OR51B5: variants seen among roughly 807,000 people sequenced by gnomAD.
OR51B5 encodes the protein olfactory receptor family 51 subfamily B member 5, also known as olfactory receptor 51B5.
For missense variants in OR51B5, 456 were observed against 374.6 expected (o/e 1.22, Z -1.79); for synonymous variants, 186 against 144.8 (o/e 1.28, Z -2.04).
At chr11:5,450,453 G>A (rs2647615) in intron 1 of OR51B5, among the ~76,000 whole-genome samples, 20,370 of 152,008 alleles carry the variant, frequency 0.13, 2,570 homozygotes, top group African/African-American at 0.34. Context: ...AAAAGAAATA[G>A]ATATTTCTAC....
intron 1 of OR51B5, among the ~76,000 whole-genome samples, chr11:5,442,581 A>G (rs1372077723): frequency 1.3e-5 from 2 of 152,134 alleles, no homozygotes; most frequent in Admixed American, 1.3e-4. Flanking sequence ...CCCTTTCCCA[A>G]TTCTTAACCA....
intron 1 of OR51B5, among the ~76,000 whole-genome samples, chr11:5,475,292 G>A (rs77358676): frequency 4.1e-4 from 62 of 152,168 alleles, no homozygotes; most frequent in Middle Eastern, 6.8e-3. Flanking sequence ...TGTGTAATAT[G>A]ATCTTCATTT....
chr11:5,429,339 C>A (rs1850497975), intron 1 of OR51B5, among the ~76,000 whole-genome samples: 1 of 152,114 alleles, frequency 6.6e-6, no homozygotes, highest in African/African-American at 2.4e-5. Flanking sequence ...CTGGAAGAAC[C>A]AATCAGTGAC....
rs540223453 is a variant in OR51B5, at chr11:5,356,007, T to C, written n.85-9097A>G. 4.4e-3 allele frequency among the ~76,000 whole-genome samples: 595 copies of C among 134,756 alleles called. 2 individuals carry two copies. Among genetic ancestry groups the C allele is most frequent in the African/African-American group, 0.011 (424 of 36,938 alleles). The allele number at this position is 134,756 out of a possible 152,430, so 88.4% of individuals were successfully genotyped here. A position where few individuals can be genotyped will look rare whatever the true frequency, so the allele number is the denominator to read the frequency against. ...ACCATCATCAAAGACCAAAGGTAGATAAAACCACAAAGATGGGGAAAAACA... is the reference window on the plus strand; with the variant it reads ...ACCATCATCAAAGACCAAAGGTAGACAAAACCACAAAGATGGGGAAAAACA... On this transcript the variant is annotated intron_variant and non_coding_transcript_variant, in intron 1 of 4. Coordinates refer to the OR51B5 transcript ENST00000415970.
chr11:5,440,882 C>T, intron 1 of OR51B5: 1 of 1,613,690 alleles, frequency 6.2e-7, no homozygotes, highest in Non-Finnish European at 8.5e-7. Flanking sequence ...AAGTTGAGTC[C>T]ATACCATAGG....
chr11:5,350,186 TGAG>T (rs996361983), intron 1 of OR51B5, among the ~76,000 whole-genome samples: 1 of 152,096 alleles, frequency 6.6e-6, no homozygotes, highest in African/African-American at 2.4e-5. Flanking sequence ...AGAGAATGAC[TGAG>T]AAGACAGAAA....
chr11:5,447,452 T>C (rs1850783166), intron 1 of OR51B5, among the ~76,000 whole-genome samples: 1 of 152,214 alleles, frequency 6.6e-6, no homozygotes, highest in Non-Finnish European at 1.5e-5. Context: ...AGTAGCTTCC[T>C]GCTGTTACAA....
intron 1 of OR51B5, chr11:5,389,688 T>A: frequency 6.2e-7 from 1 of 1,613,754 alleles, no homozygotes; most frequent in Non-Finnish European, 8.5e-7. Context: ...ATGGGGATCT[T>A]CTGGTTTAAC....
At position 5,349,243 on chromosome 11, in the gene OR51B5, A is replaced by G. The variant is rs532124260; in HGVS notation, n.85-2333T>C. 1.6e-4 allele frequency among the ~76,000 whole-genome samples: 24 copies of G among 152,250 alleles called. 1 individual carries two copies. In the South Asian group the frequency reaches 5.0e-3, roughly 32 times the overall value. ...GTGAAAGCACTCAGTTTTCAATATG[A>G]AAACAGACAAGACAAACAGCTATTT... On this transcript the variant is annotated intron_variant and non_coding_transcript_variant, in intron 1 of 4. Transcript: ENST00000415970.
intron 1 of OR51B5, chr11:5,352,020 A>G: frequency 6.2e-7 from 1 of 1,613,696 alleles, no homozygotes; most frequent in Non-Finnish European, 8.5e-7. Flanking sequence ...GATCCCATGT[A>G]CTCTCCCATG....
At chr11:5,421,078 G>A (rs945121576) in intron 1 of OR51B5, among the ~76,000 whole-genome samples, 1 of 152,214 alleles carries the variant, frequency 6.6e-6, no homozygotes, top group Non-Finnish European at 1.5e-5. Flanking sequence ...CATTCAACAA[G>A]CTAATGAAAC....
At chr11:5,399,697 A>T (rs1849937842) in intron 1 of OR51B5, among the ~76,000 whole-genome samples, 1 of 151,930 alleles carries the variant, frequency 6.6e-6, no homozygotes, top group Admixed American at 6.6e-5. Flanking sequence ...GTGTTTTAAG[A>T]TCTCTTTCAA....
chr11:5,351,804 C>T (rs149733220), intron 1 of OR51B5: 70 of 1,614,088 alleles, frequency 4.3e-5, no homozygotes, highest in Non-Finnish European at 5.6e-5. Flanking sequence ...TCTCTCAGGC[C>T]TATTTTATCC....
chr11:5,395,200 G>T (rs1353388575), intron 1 of OR51B5, among the ~76,000 whole-genome samples: 3 of 152,158 alleles, frequency 2.0e-5, no homozygotes, highest in Non-Finnish European at 4.4e-5. Flanking sequence ...ATTCCTTTGA[G>T]GGCCAAAGAC....
intron 1 of OR51B5, among the ~76,000 whole-genome samples, chr11:5,399,767 A>G (rs1173466283): frequency 9.3e-4 from 1 of 1,080 alleles, no homozygotes; most frequent in East Asian, 1.2e-3. Context: ...GAAGGATGCA[A>G]AAAAAAAAAA....
At chr11:5,452,047 G>T (rs1373918995) in intron 1 of OR51B5, among the ~76,000 whole-genome samples, 1 of 152,188 alleles carries the variant, frequency 6.6e-6, no homozygotes, top group Non-Finnish European at 1.5e-5. Flanking sequence ...GCCTGTGTGG[G>T]TTAGTAGATT....
chr11:5,486,282 A>G (rs928362830), intron 1 of OR51B5, among the ~76,000 whole-genome samples: 5 of 152,134 alleles, frequency 3.3e-5, no homozygotes, highest in East Asian at 3.8e-4. Context: ...ATTATCTAAC[A>G]TATATTTTAC....
chr11:5,377,824 A>ATGG (rs1849550967), intron 1 of OR51B5, among the ~76,000 whole-genome samples: 1 of 152,116 alleles, frequency 6.6e-6, no homozygotes, highest in Non-Finnish European at 1.5e-5. Context: ...ATACAAACAA[A>ATGG]TGGAAGAACA....
intron 1 of OR51B5, among the ~76,000 whole-genome samples, chr11:5,378,694 A>G (rs1849565474): frequency 6.6e-6 from 1 of 152,258 alleles, no homozygotes; most frequent in Non-Finnish European, 1.5e-5. Flanking sequence ...TTATGCAACC[A>G]AAAGACACAT....
Sources: gnomAD v4.1 joint callset for allele counts (sites outside exome capture counted in the v4.1 genomes callset) on GRCh38, gnomAD v4.1.1 for gene constraint, MANE v1.5 for transcripts, NCBI Gene and HGNC (gene_info 2026-07-23, HGNC 2026-07-21) for gene names.